C12orf42: variants seen among roughly 807,000 people sequenced by gnomAD.
C12orf42 encodes the protein uncharacterized protein C12orf42.
In C12orf42, 25 loss-of-function variants were observed where a neutral mutation model predicts 21.6. The ratio of observed to expected loss-of-function variants is 1.16; its 90% CI spans 0.84 to 1.62. C12orf42 has a LOEUF of 1.62. Ranked by LOEUF, C12orf42 falls within the 40% of genes most tolerant of loss-of-function variation. C12orf42 has a pLI of 0.00. For missense variants in C12orf42, 483 were observed against 459.3 expected (o/e 1.05, Z -0.47); for synonymous variants, 174 against 175.0 (o/e 0.99, Z 0.05).
the C12orf42 span, among the ~76,000 whole-genome samples, chr12:103,071,544 G>A: frequency 6.6e-6 from 1 of 152,070 alleles, no homozygotes; most frequent in African/African-American, 2.4e-5. Context: ...ATGTGTCAAG[G>A]GTGGGGCCAG....
intron 4 of C12orf42, among the ~76,000 whole-genome samples, chr12:103,293,658 CTA>C (rs1566024517): frequency 6.6e-6 from 1 of 152,054 alleles, no homozygotes; most frequent in Non-Finnish European, 1.5e-5. Context: ...AGAATTTTTT[CTA>C]TGTTATGGCT....
chr12:103,389,431 A>C (rs1297741447), intron 3 of C12orf42, among the ~76,000 whole-genome samples: 1 of 152,200 alleles, frequency 6.6e-6, no homozygotes, highest in African/African-American at 2.4e-5. Flanking sequence ...AGGAGGAATA[A>C]ATGAATCTTT....
At chr12:103,196,930 G>A in the C12orf42 span, among the ~76,000 whole-genome samples, 1 of 152,100 alleles carries the variant, frequency 6.6e-6, no homozygotes, top group Non-Finnish European at 1.5e-5. Flanking sequence ...GACTCATATT[G>A]ATACGTGCAG....
the C12orf42 span, among the ~76,000 whole-genome samples, chr12:103,199,542 AAT>A: frequency 6.6e-6 from 1 of 152,226 alleles, no homozygotes; most frequent in African/African-American, 2.4e-5. Context: ...AATGGGGGAA[AAT>A]ATTTGTAAAC....
the C12orf42 span, among the ~76,000 whole-genome samples, chr12:103,184,950 G>A: frequency 6.6e-6 from 1 of 152,030 alleles, no homozygotes; most frequent in Non-Finnish European, 1.5e-5. Context: ...TGCAAGCCAA[G>A]GAGAGTGGCT....
the C12orf42 span, among the ~76,000 whole-genome samples, chr12:103,224,070 G>A: frequency 3.9e-5 from 6 of 152,088 alleles, no homozygotes; most frequent in South Asian, 2.1e-4. Context: ...CTGACAGAAC[G>A]GAAGAAATGA....
intron 5 of C12orf42, among the ~76,000 whole-genome samples, chr12:103,304,529 G>A (rs1488499820): frequency 1.3e-5 from 2 of 152,110 alleles, no homozygotes; most frequent in Admixed American, 6.5e-5. Flanking sequence ...AAAATGTTAA[G>A]CATCAAGTAC....
At chr12:103,479,889 T>G (rs1035587798) in intron 1 of C12orf42, among the ~76,000 whole-genome samples, 1 of 152,040 alleles carries the variant, frequency 6.6e-6, no homozygotes, top group Non-Finnish European at 1.5e-5. Context: ...TGATCACAAG[T>G]GAAATTGCCT....
At chr12:103,537,205 C>G in the C12orf42 span, among the ~76,000 whole-genome samples, 24 of 151,948 alleles carry the variant, frequency 1.6e-4, no homozygotes, top group South Asian at 4.4e-3. Context: ...AGTTCTAGCA[C>G]AGAAGAGAAA....
intron 4 of C12orf42, among the ~76,000 whole-genome samples, chr12:103,283,027 A>G (rs909247038): frequency 6.6e-6 from 1 of 152,240 alleles, no homozygotes; most frequent in East Asian, 1.9e-4. Flanking sequence ...GTTCAGCCTA[A>G]CAGATCCTGG....
intron 2 of C12orf42, among the ~76,000 whole-genome samples, chr12:103,449,090 G>GAT (rs1951765682): frequency 6.9e-6 from 1 of 143,986 alleles, no homozygotes; most frequent in African/African-American, 2.6e-5. Context: ...ATGATAGATA[G>GAT]ATAGATAGAT....
chr12:103,487,703 T>G (rs1281052593), intron 1 of C12orf42, among the ~76,000 whole-genome samples: 2 of 152,228 alleles, frequency 1.3e-5, no homozygotes, highest in African/African-American at 4.8e-5. Flanking sequence ...CCTTTACCAT[T>G]ATATAATGGC....
intron 2 of C12orf42, among the ~76,000 whole-genome samples, chr12:103,477,621 T>A (rs893845800): frequency 6.6e-6 from 1 of 151,978 alleles, no homozygotes; most frequent in East Asian, 1.9e-4. Context: ...TGGAATGATG[T>A]GATGTGAGGA....
At chr12:103,541,732 A>G in the C12orf42 span, among the ~76,000 whole-genome samples, 1 of 151,614 alleles carries the variant, frequency 6.6e-6, no homozygotes, top group African/African-American at 2.4e-5. Flanking sequence ...ATGTCTCTTG[A>G]TTGTATTATT....
intron 5 of C12orf42, among the ~76,000 whole-genome samples, chr12:103,275,726 T>C (rs1283916989): frequency 6.6e-6 from 1 of 151,360 alleles, no homozygotes; most frequent in Non-Finnish European, 1.5e-5. Context: ...GATCAAGTAT[T>C]ATGATCAAGT....
the C12orf42 span, among the ~76,000 whole-genome samples, chr12:103,077,012 T>C: frequency 6.6e-6 from 1 of 152,198 alleles, no homozygotes; most frequent in Non-Finnish European, 1.5e-5. Flanking sequence ...ATTGAGTTTC[T>C]AGATTGAAAA....
the C12orf42 span, among the ~76,000 whole-genome samples, chr12:103,215,375 G>A: frequency 2.0e-5 from 3 of 151,894 alleles, no homozygotes; most frequent in African/African-American, 7.3e-5. Context: ...TGACACTGGT[G>A]CTAATAAAAT....
intron 2 of C12orf42, among the ~76,000 whole-genome samples, chr12:103,434,800 G>A (rs1453979731): frequency 6.6e-6 from 1 of 152,180 alleles, no homozygotes; most frequent in Non-Finnish European, 1.5e-5. Context: ...AGATCAAACT[G>A]CAAGGCGGCA....
At chr12:103,277,142 A>T (rs1459925249) in intron 5 of C12orf42, 1 of 455,742 alleles carries the variant, frequency 2.2e-6, no homozygotes, top group East Asian at 7.0e-5. Flanking sequence ...ATACCAAACG[A>T]TACTCACTCT....
Sources: allele counts gnomAD v4.1 joint callset (sites outside exome capture counted in the v4.1 genomes callset), GRCh38; gene constraint gnomAD v4.1.1; transcripts MANE v1.5; gene names NCBI Gene and HGNC (gene_info 2026-07-23, HGNC 2026-07-21).